The following LUZP2 variants were observed in gnomAD, a reference collection of about 807,000 sequenced individuals.
LUZP2 encodes leucine zipper protein 2.
LUZP2 carries 52 observed loss-of-function variants against 51.6 expected under a neutral mutation model. The ratio of observed to expected loss-of-function variants is 1.01; its 90% CI spans 0.81 to 1.27. The LOEUF (loss-of-function observed/expected upper bound fraction) is 1.27, where lower values mean the gene tolerates loss of function less well. Ranked by LOEUF, LUZP2 falls within the 50% of genes most tolerant of loss-of-function variation. The pLI, the probability that LUZP2 is intolerant of heterozygous loss-of-function variation, is 0.00. For synonymous variants in LUZP2, 154 were observed against 137.3 expected, an observed-to-expected ratio of 1.12 and a Z score of -0.85; for missense variants, 436 against 395.4, an observed-to-expected ratio of 1.10 and a Z score of -0.87.
At chr11:24,549,401 T>A (rs1252103244) in intron 1 of LUZP2, among the ~76,000 whole-genome samples, 1 of 152,084 alleles carries the variant, frequency 6.6e-6, no homozygotes, top group African/African-American at 2.4e-5. Context: ...GAATACCTAC[T>A]GAAGGGCCTG....
intron 4 of LUZP2, among the ~76,000 whole-genome samples, chr11:24,743,701 C>T (rs984999921): frequency 1.3e-5 from 2 of 152,038 alleles, no homozygotes; most frequent in Admixed American, 6.6e-5. Flanking sequence ...TTTCTGATTG[C>T]TCTGGATAGG....
chr11:24,985,745 A>G (rs575161363), intron 9 of LUZP2, among the ~76,000 whole-genome samples: 1 of 151,696 alleles, frequency 6.6e-6, no homozygotes, highest in East Asian at 1.9e-4. Context: ...CTAACCTGCT[A>G]TGTTTTGGGT....
chr11:24,591,868 A>G (rs1284527360), intron 1 of LUZP2, among the ~76,000 whole-genome samples: 2 of 152,226 alleles, frequency 1.3e-5, no homozygotes, highest in Non-Finnish European at 2.9e-5. Flanking sequence ...CATTTCTAAG[A>G]TATTCACTGA....
At chr11:24,990,314 T>A (rs964001858) in intron 9 of LUZP2, among the ~76,000 whole-genome samples, 16 of 152,050 alleles carry the variant, frequency 1.1e-4, no homozygotes, top group African/African-American at 3.6e-4. Context: ...TATATATACA[T>A]ATACCTTTAT....
chr11:25,006,299 C>G (rs1195027475), intron 9 of LUZP2, among the ~76,000 whole-genome samples: 3 of 152,054 alleles, frequency 2.0e-5, no homozygotes, highest in Admixed American at 2.0e-4. Context: ...CATTAGGACC[C>G]AGGAGCCAAG....
intron 9 of LUZP2, among the ~76,000 whole-genome samples, chr11:24,994,599 C>A: frequency 6.6e-6 from 1 of 152,120 alleles, no homozygotes; most frequent in East Asian, 1.9e-4. Flanking sequence ...TTTGCTTTGG[C>A]TATTCTTGGT....
chr11:24,934,359 A>G (rs985359187), intron 7 of LUZP2, among the ~76,000 whole-genome samples: 3 of 152,162 alleles, frequency 2.0e-5, no homozygotes, highest in Non-Finnish European at 4.4e-5. Flanking sequence ...ACATTTAGGT[A>G]TTGATAAAAG....
At chr11:25,006,109 A>T (rs991480873) in intron 9 of LUZP2, among the ~76,000 whole-genome samples, 2 of 152,054 alleles carry the variant, frequency 1.3e-5, no homozygotes, top group East Asian at 1.9e-4. Flanking sequence ...CCCCCCTATG[A>T]TTGTGCTTTG....
intron 1 of LUZP2, among the ~76,000 whole-genome samples, chr11:24,715,703 C>T (rs904384861): frequency 4.6e-5 from 7 of 152,078 alleles, no homozygotes; most frequent in African/African-American, 1.7e-4. Context: ...TAATGTCTTA[C>T]TCTTATCACA....
intron 1 of LUZP2, among the ~76,000 whole-genome samples, chr11:24,712,248 C>G (rs1278854444): frequency 6.6e-6 from 1 of 151,870 alleles, no homozygotes; most frequent in East Asian, 1.9e-4. Flanking sequence ...TGGTGAGACC[C>G]CATCTCTGTA....
chr11:24,508,338 T>C (rs1850201337), intron 1 of LUZP2, among the ~76,000 whole-genome samples: 1 of 152,174 alleles, frequency 6.6e-6, no homozygotes, highest in Admixed American at 6.5e-5. Context: ...AAATTTTATA[T>C]ACAGTTAAAG....
intron 10 of LUZP2, among the ~76,000 whole-genome samples, chr11:25,072,400 T>A (rs1565310856): frequency 1.3e-5 from 2 of 152,138 alleles, no homozygotes; most frequent in Non-Finnish European, 2.9e-5. Flanking sequence ...GTGGAATGAA[T>A]GATTAAAGTA....
At chr11:24,594,750 CTTTTTTTTTTT>C (rs61196514) in intron 1 of LUZP2, among the ~76,000 whole-genome samples, 2 of 78,554 alleles carry the variant, frequency 2.5e-5, no homozygotes, top group African/African-American at 5.7e-5. Flanking sequence ...GTTTGGGACA[CTTTTTTTTTTT>C]TTTTTTTTTT....
intron 1 of LUZP2, among the ~76,000 whole-genome samples, chr11:24,631,102 T>C (rs757447476): frequency 1.1e-4 from 16 of 152,050 alleles, no homozygotes; most frequent in Non-Finnish European, 1.8e-4. Context: ...TGGTGCCATC[T>C]TTAGGTTTTT....
intron 7 of LUZP2, among the ~76,000 whole-genome samples, chr11:24,925,607 T>G (rs1392738677): frequency 6.6e-6 from 1 of 152,120 alleles, no homozygotes; most frequent in Non-Finnish European, 1.5e-5. Context: ...AGTTCACACA[T>G]TTCTTATCAG....
chr11:24,954,017 T>A (rs1342442456), intron 7 of LUZP2, among the ~76,000 whole-genome samples: 2 of 152,074 alleles, frequency 1.3e-5, no homozygotes, highest in African/African-American at 4.8e-5. Flanking sequence ...ATCATCTTTT[T>A]TTTTTTCTTC....
At chr11:24,529,320 C>G (rs1850920563) in intron 1 of LUZP2, among the ~76,000 whole-genome samples, 1 of 150,884 alleles carries the variant, frequency 6.6e-6, no homozygotes, top group South Asian at 2.1e-4. Flanking sequence ...TTGTCTTCAT[C>G]TGGGTATTTC....
At chr11:24,589,238 G>A (rs987686648) in intron 1 of LUZP2, among the ~76,000 whole-genome samples, 6 of 152,018 alleles carry the variant, frequency 3.9e-5, no homozygotes, top group Non-Finnish European at 8.8e-5. Flanking sequence ...GATCTCAGTC[G>A]TGCCAGGTCT....
chr11:24,922,837 CTTTTTTTTTTTTT>C (rs749672583), intron 7 of LUZP2, among the ~76,000 whole-genome samples: 3 of 47,318 alleles, frequency 6.3e-5, no homozygotes, highest in African/African-American at 1.1e-4. Flanking sequence ...TTTTTTTTTT[CTTTTTTTTTTTTT>C]TTTTTTTTTT....
Sources: allele counts gnomAD v4.1 joint callset (sites outside exome capture counted in the v4.1 genomes callset), GRCh38; gene constraint gnomAD v4.1.1; transcripts MANE v1.5; gene names NCBI Gene and HGNC (gene_info 2026-07-23, HGNC 2026-07-21).